KIR3DL3: variants seen among roughly 807,000 people sequenced by gnomAD.
The protein encoded by KIR3DL3 is killer cell immunoglobulin like receptor, three Ig domains and long cytoplasmic tail 3, also known as killer cell immunoglobulin-like receptor 3DL3.
A neutral mutation model predicts 34.9 loss-of-function variants in KIR3DL3; 27 were observed. The ratio of observed to expected loss-of-function variants is 0.77; its 90% CI spans 0.57 to 1.07. The LOEUF (loss-of-function observed/expected upper bound fraction) is 1.07. Ranked by LOEUF, KIR3DL3 falls within the 50% of genes least tolerant of loss-of-function variation. KIR3DL3 has a pLI of 0.00. For synonymous variants in KIR3DL3, 217 were observed against 200.2 expected (o/e 1.08, Z -0.71); for missense variants, 681 against 528.5 (o/e 1.29, Z -2.83).
At chr19:54,734,905 G>C (rs1425465875) in intron 5 of KIR3DL3, among the ~76,000 whole-genome samples, 1 of 140,828 alleles carries the variant, frequency 7.1e-6, no homozygotes, top group African/African-American at 2.7e-5. Context: ...GGAACTAATA[G>C]AGGGGGAACT....
chr19:54,735,243 CT>C lies in KIR3DL3; in HGVS notation c.950-8del, dbSNP rs2069358531. The C allele has an allele frequency of 1.3e-6, 2 of 1,488,246 alleles. No individual in the cohort carries two copies. The highest frequency in any genetic ancestry group is 2.9e-5 in the African/African-American group (2 of 69,544). 92.2% of individuals were successfully genotyped at this position (1,488,246 alleles called of 1,614,324 possible). ...GATTAGCTTCTTATTGGTGTCTTGT[CT>C]TCCTCCAGGTAACTCCAGAAACCTG... On this transcript the variant is annotated splice_polypyrimidine_tract_variant and intron_variant, in intron 5 of 7. Coordinates refer to ENST00000291860, the MANE Select transcript of KIR3DL3 (RefSeq NM_153443.5).
chr19:54,736,036 G>A lies in KIR3DL3; in HGVS notation c.1173G>A (p.Gln391=), dbSNP rs1169740135. 3 of 1,613,696 alleles carry A rather than the reference G, an allele frequency of 1.9e-6. No individual in the cohort carries two copies. Among genetic ancestry groups the A allele is most frequent in the East Asian group, 2.2e-5 (1 of 44,872 alleles). ...YAQLNHCVFT[Q]RKITRPSQRP... is the part of the protein sequence containing the mutation. Reference sequence around the variant, plus strand: ...AGTTGAATCACTGCGTTTTCACACAGAGAAAAATCACTCGCCCTTCTCAGA... The same window carrying A: ...AGTTGAATCACTGCGTTTTCACACAAAGAAAAATCACTCGCCCTTCTCAGA... The change falls in exon 8 of 8, where the codon CAG becomes CAA. Residue 391 remains glutamine (Q), a synonymous_variant. Coordinates refer to ENST00000291860, the MANE Select transcript of KIR3DL3 (RefSeq NM_153443.5).
chr19:54,727,621 A>G lies in KIR3DL3; in HGVS notation c.366A>G (p.Arg122=), dbSNP rs1364045769. 5 of 1,610,702 alleles carry G rather than the reference A, an allele frequency of 3.1e-6. No individual in the cohort carries two copies. In the African/African-American group the frequency reaches 4.0e-5, roughly 13 times the overall value. Reference sequence around the variant, plus strand: ...AACCTCTCTTCTTAGGAGTCCACAGAAAACCTTCCCTCCTGGCCCACCCAG... The same window carrying G: ...AACCTCTCTTCTTAGGAGTCCACAGGAAACCTTCCCTCCTGGCCCACCCAG... The part of the protein sequence containing the change: ...PVVIMVTGVH[R]KPSLLAHPGP... Residue 122 remains arginine, a synonymous_variant, in exon 4 of 8, where the codon AGA becomes AGG. Transcript: ENST00000291860.
intron 2 of KIR3DL3, among the ~76,000 whole-genome samples, chr19:54,725,624 AC>A (rs1413942782): frequency 2.0e-5 from 3 of 151,928 alleles, no homozygotes; most frequent in Non-Finnish European, 4.4e-5. Flanking sequence ...CATAACTCAC[AC>A]CCTCCAGCGT....
At chr19:54,733,549 T>TAA (rs1555879225) in intron 5 of KIR3DL3, among the ~76,000 whole-genome samples, 4 of 151,834 alleles carry the variant, frequency 2.6e-5, no homozygotes, top group Non-Finnish European at 2.9e-5. Flanking sequence ...ACATACATAA[T>TAA]TATGACACAC....
intron 5 of KIR3DL3, among the ~76,000 whole-genome samples, chr19:54,734,710 G>T (rs10412808): frequency 0.06 from 8,869 of 146,602 alleles, 364 homozygotes; most frequent in African/African-American, 0.12. Context: ...TCACAGTTCT[G>T]CAGGCTGTAC....
Position 54,726,271 on chromosome 19 carries a change from A to T in KIR3DL3, c.289A>T (p.Ser97Cys). 6.2e-7 allele frequency: 1 copy of T among 1,613,904 alleles called. No individual in the cohort carries two copies. Among genetic ancestry groups the T allele is most frequent in the Non-Finnish European group, 8.5e-7 (1 of 1,179,952 alleles). ...PAHAGTYRCC[S>C]SHPHSPTGWS... Reference sequence around the variant, plus strand: ...ACATGCAGGGACCTACAGATGTTGCAGTTCACACCCACACTCCCCCACTGG... The same window carrying T: ...ACATGCAGGGACCTACAGATGTTGCTGTTCACACCCACACTCCCCCACTGG... The change falls in exon 3 of 8, where the codon AGT (serine) becomes TGT (cysteine). Residue 97 changes from serine (S) to cysteine (C), a missense_variant. Coordinates refer to ENST00000291860, the MANE Select transcript of KIR3DL3 (RefSeq NM_153443.5).
intron 5 of KIR3DL3, 111 bp downstream of exon 5, chr19:54,729,897 G>A: frequency 2.0e-6 from 2 of 1,013,488 alleles, no homozygotes; most frequent in Non-Finnish European, 2.8e-6. Context: ...AGAACACACA[G>A]CATGGGTGTA....
chr19:54,736,454 A>C lies in KIR3DL3; in HGVS notation c.*358A>C, dbSNP rs2069634550. 1 of 387,876 alleles carries C rather than the reference A, an allele frequency of 2.6e-6. No homozygotes were observed. The highest frequency in any genetic ancestry group is 2.3e-5 in the African/African-American group (1 of 43,588). 24.0% of individuals were successfully genotyped at this position (387,876 alleles called of 1,614,324 possible). On this transcript the variant is annotated 3_prime_UTR_variant, in exon 8 of 8. Coordinates refer to ENST00000291860, the MANE Select transcript of KIR3DL3 (RefSeq NM_153443.5). ...CTAGTCTACTTGAGGCTGCGATCAC[A>C]CTGAGGAACTCACAATTCCAAACAT... is the stretch of plus-strand genomic sequence containing the variant.
chr19:54,727,523 C>T lies in KIR3DL3; in HGVS notation c.356-88C>T, dbSNP rs1460098801. ...CAGACAGGAAGGAGAGAGATAGACA[C>T]CATGGAGGGGAAGCCTCACTTATTT... On this transcript the variant is annotated intron_variant, in intron 3 of 7. Coordinates refer to ENST00000291860, the MANE Select transcript of KIR3DL3 (RefSeq NM_153443.5). The T allele has an allele frequency of 5.7e-6, 7 of 1,235,332 alleles. No individual in the cohort carries two copies. The East Asian group carries it at 1.7e-4, about 29-fold the overall frequency. 76.5% of individuals were successfully genotyped at this position (1,235,332 alleles called of 1,614,324 possible).
At chr19:54,729,384 G>A (rs1448049950) in intron 4 of KIR3DL3, 109 bp from the exon 5 acceptor site, 22 of 1,203,450 alleles carry the variant, frequency 1.8e-5, no homozygotes, top group Non-Finnish European at 2.3e-6. Flanking sequence ...GTGAGAGAGA[G>A]AAAGAGAGCA....
chr19:54,735,261 A>G lies in KIR3DL3; in HGVS notation c.958A>G (p.Arg320Gly). 5 of 1,508,542 alleles carry G rather than the reference A, an allele frequency of 3.3e-6. No individual in the cohort carries two copies. Among genetic ancestry groups the G allele is most frequent in the South Asian group, 1.2e-5 (1 of 86,584 alleles). 93.4% of individuals were successfully genotyped at this position (1,508,542 alleles called of 1,614,324 possible). The change falls in exon 6 of 8, where the codon AGA becomes GGA. Residue 320 changes from arginine to glycine, a missense_variant. Transcript: ENST00000291860. ...GTCTTGTCTTCCTCCAGGTAACTCC[A>G]GAAACCTGCACGTTCTGATTGGGAC... ...PLPVSVTGNS[R>G]NLHVLIGTSV... is the part of the protein sequence containing the mutation.
chr19:54,734,048 G>C (rs1211278698), intron 5 of KIR3DL3, among the ~76,000 whole-genome samples: 2 of 152,164 alleles, frequency 1.3e-5, no homozygotes, highest in Non-Finnish European at 2.9e-5. Flanking sequence ...ATCACAAAAA[G>C]TAGCATGTTG....
intron 4 of KIR3DL3, 147 bp downstream of exon 4, chr19:54,728,057 A>G (rs1418316151): frequency 3.8e-6 from 3 of 797,450 alleles, no homozygotes; most frequent in Non-Finnish European, 6.1e-6. Flanking sequence ...CAACAAAGGC[A>G]GAGAAACAGG....
At chr19:54,725,213 C>A (rs754455134) in intron 1 of KIR3DL3, 34 bp from the exon 2 acceptor site, 14 of 1,560,344 alleles carry the variant, frequency 9.0e-6, no homozygotes, top group Admixed American at 1.7e-5. Flanking sequence ...AGGTGATGTA[C>A]AGATGGATCA....
In KIR3DL3 at chr19:54,735,964, C is replaced by A; in HGVS notation, c.1108-7C>A. On this transcript the variant is annotated splice_region_variant and splice_polypyrimidine_tract_variant and intron_variant, in intron 7 of 7. Transcript: ENST00000291860. Reference sequence around the variant, plus strand: ...CCCTCCCTCACTCAGCATTTCCCTCCCTCCAGGACTCTGATGAACAAGACC... The same window carrying A: ...CCCTCCCTCACTCAGCATTTCCCTCACTCCAGGACTCTGATGAACAAGACC... The A allele has an allele frequency of 6.2e-6, 10 of 1,612,102 alleles. No individual in the cohort carries two copies. Among genetic ancestry groups the A allele is most frequent in the Non-Finnish European group, 8.5e-6 (10 of 1,179,662 alleles).
At position 54,724,475 on chromosome 19, in the gene KIR3DL3, G is replaced by A. The variant is rs1261082727; in HGVS notation, c.-22G>A. On this transcript the variant is annotated 5_prime_UTR_variant, in exon 1 of 8. Coordinates refer to ENST00000291860, the MANE Select transcript of KIR3DL3 (RefSeq NM_153443.5). Reference sequence around the variant, plus strand: ...TGCTGAACTGAGCTGGGGCGCAGCCGCCTGTCTGCACCGGCAGCACCATGT... The same window carrying A: ...TGCTGAACTGAGCTGGGGCGCAGCCACCTGTCTGCACCGGCAGCACCATGT... 4.5e-5 allele frequency: 72 copies of A among 1,612,704 alleles called. No homozygotes were observed. Among genetic ancestry groups the A allele is most frequent in the South Asian group, 2.7e-4 (25 of 91,066 alleles).
chr19:54,732,677 T>G (rs1600213499), intron 5 of KIR3DL3, among the ~76,000 whole-genome samples: 1 of 152,180 alleles, frequency 6.6e-6, no homozygotes, highest in Admixed American at 6.5e-5. Context: ...CTTGGAAGAT[T>G]GGCGGAAGGA....
Position 54,736,238 on chromosome 19 carries a change from G to A in KIR3DL3, c.*142G>A. 1.8e-6 allele frequency: 2 copies of A among 1,110,428 alleles called. No individual in the cohort carries two copies. Among genetic ancestry groups the A allele is most frequent in the South Asian group, 2.6e-5 (2 of 77,250 alleles). The allele number at this position is 1,110,428 out of a possible 1,614,324, so 68.8% of individuals were successfully genotyped here. ...GCCAGCTCCCATGTACCAGCAGCTG[G>A]ACTCTGAAGGCGTGAGTCTGCATCT... On this transcript the variant is annotated 3_prime_UTR_variant, in exon 8 of 8. Coordinates refer to ENST00000291860, the MANE Select transcript of KIR3DL3 (RefSeq NM_153443.5).
Sources: allele counts gnomAD v4.1 joint callset (sites outside exome capture counted in the v4.1 genomes callset), GRCh38; gene constraint gnomAD v4.1.1; transcripts MANE v1.5; gene names NCBI Gene and HGNC (gene_info 2026-07-23, HGNC 2026-07-21).